The following PLA2G4A variants were observed in gnomAD, a reference collection of about 807,000 sequenced individuals.
PLA2G4A encodes the protein cytosolic phospholipase A2.
A neutral mutation model predicts 81.9 loss-of-function variants in PLA2G4A; 40 were observed. The ratio of observed to expected loss-of-function variants is 0.49; its 90% CI spans 0.38 to 0.64. The LOEUF (loss-of-function observed/expected upper bound fraction) is 0.64. Ranked by LOEUF, PLA2G4A falls within the 30% of genes least tolerant of loss-of-function variation. The pLI is 0.00. For synonymous variants in PLA2G4A, 302 were observed against 296.9 expected (o/e 1.02, Z -0.18); for missense variants, 715 against 905.1 (o/e 0.79, Z 2.69).
intron 16 of PLA2G4A, 71 bp from the exon 17 acceptor site, chr1:186,979,244 T>G: frequency 8.7e-7 from 1 of 1,155,194 alleles, no homozygotes; most frequent in Non-Finnish European, 1.3e-6. Flanking sequence ...TCTGTATGTT[T>G]TATTCCTTGG....
chr1:186,984,713 T>G (rs576616020), intron 17 of PLA2G4A, among the ~76,000 whole-genome samples: 1 of 152,338 alleles, frequency 6.6e-6, no homozygotes, highest in South Asian at 2.1e-4. Context: ...AACTCATCTA[T>G]TTTTAATGCT....
At chr1:186,830,986 C>G (rs1352755374) in intron 1 of PLA2G4A, among the ~76,000 whole-genome samples, 2 of 139,196 alleles carry the variant, frequency 1.4e-5, no homozygotes, top group Non-Finnish European at 3.3e-5. Flanking sequence ...TTCTTTCTTT[C>G]TTTCTTTCTT....
chr1:186,957,166 T>TA (rs1233595054), intron 14 of PLA2G4A, among the ~76,000 whole-genome samples: 2 of 151,614 alleles, frequency 1.3e-5, no homozygotes, highest in Non-Finnish European at 2.9e-5. Flanking sequence ...AAATAAAAAA[T>TA]AAAAAAAATA....
chr1:186,933,013 T>A, intron 8 of PLA2G4A, 114 bp downstream of exon 8: 1 of 800,534 alleles, frequency 1.2e-6, no homozygotes, highest in South Asian at 1.6e-5. Context: ...TTTAAATTAC[T>A]GAAACTTTCC....
chr1:186,914,441 CG>C (rs1211931424), intron 7 of PLA2G4A, among the ~76,000 whole-genome samples: 1 of 148,082 alleles, frequency 6.8e-6, no homozygotes, highest in Non-Finnish European at 1.5e-5. Context: ...TTTGTTTGGC[CG>C]GGAGCATCGG....
At chr1:186,966,885 T>G (rs1365531065) in intron 15 of PLA2G4A, among the ~76,000 whole-genome samples, 2 of 152,228 alleles carry the variant, frequency 1.3e-5, no homozygotes, top group Admixed American at 6.5e-5. Context: ...AGAACTCTGT[T>G]CTCTGTCTGT....
At chr1:186,969,038 T>C (rs1657243863) in intron 15 of PLA2G4A, among the ~76,000 whole-genome samples, 1 of 151,884 alleles carries the variant, frequency 6.6e-6, no homozygotes, top group African/African-American at 2.4e-5. Flanking sequence ...GGATTATTTG[T>C]GATGTTCCTA....
rs1253137697 is a variant in PLA2G4A at position 186,850,395 on chromosome 1, C to T, written c.-69-3891C>T. On this transcript the variant is annotated intron_variant, in intron 1 of 17. Transcript: ENST00000367466. ...AAGAATAGGTTTTAAGATTTCCTTC[C>T]AATTGGAGACATTAATCATAATAAA... is the stretch of plus-strand genomic sequence containing the variant. 5.3e-5 allele frequency among the ~76,000 whole-genome samples: 8 copies of T among 152,028 alleles called. No homozygotes were observed. The East Asian group carries it at 1.5e-3, about 29-fold the overall frequency.
At chr1:186,987,257 C>T (rs1294740778) in intron 17 of PLA2G4A, among the ~76,000 whole-genome samples, 1 of 152,254 alleles carries the variant, frequency 6.6e-6, no homozygotes, top group Admixed American at 6.5e-5. Flanking sequence ...ATGGGAGAAT[C>T]CCTCTGAGCA....
chr1:186,834,727 A>G (rs1651719082), intron 1 of PLA2G4A, among the ~76,000 whole-genome samples: 1 of 152,196 alleles, frequency 6.6e-6, no homozygotes, highest in African/African-American at 2.4e-5. Context: ...CAAAATAAAC[A>G]CATTTCATGA....
chr1:186,849,302 T>G (rs1174182638), intron 1 of PLA2G4A, among the ~76,000 whole-genome samples: 1 of 152,070 alleles, frequency 6.6e-6, no homozygotes, highest in African/African-American at 2.4e-5. Context: ...TTAATGCCTC[T>G]TTTGTTCTCC....
intron 3 of PLA2G4A, among the ~76,000 whole-genome samples, chr1:186,885,303 CAG>C (rs1653897716): frequency 6.6e-6 from 1 of 152,082 alleles, no homozygotes; most frequent in Non-Finnish European, 1.5e-5. Flanking sequence ...ACAAGGAGAT[CAG>C]AGAGACCAAA....
At chr1:186,915,298 A>G (rs1038980251) in intron 7 of PLA2G4A, among the ~76,000 whole-genome samples, 2 of 152,200 alleles carry the variant, frequency 1.3e-5, no homozygotes, top group Admixed American at 6.5e-5. Flanking sequence ...GACAGATAGC[A>G]TTTCTCATCT....
chr1:186,863,944 T>C (rs1402538665), intron 2 of PLA2G4A, among the ~76,000 whole-genome samples: 1 of 151,952 alleles, frequency 6.6e-6, no homozygotes, highest in African/African-American at 2.4e-5. Flanking sequence ...ATATTTTTAG[T>C]AGAGATGGGG....
chr1:186,888,282 G>C (rs1654009603), intron 3 of PLA2G4A, among the ~76,000 whole-genome samples: 1 of 152,100 alleles, frequency 6.6e-6, no homozygotes, highest in Non-Finnish European at 1.5e-5. Flanking sequence ...GTCAGAATTA[G>C]AATTTGTTAA....
chr1:186,979,978 C>T (rs112267662), intron 17 of PLA2G4A, among the ~76,000 whole-genome samples: 1,525 of 124,556 alleles, frequency 0.012, 33 homozygotes, highest in African/African-American at 0.042. Flanking sequence ...GATGGAGTCT[C>T]GCTCTGTCGC....
At chr1:186,922,201 A>G (rs1655376670) in intron 7 of PLA2G4A, among the ~76,000 whole-genome samples, 1 of 152,190 alleles carries the variant, frequency 6.6e-6, no homozygotes, top group African/African-American at 2.4e-5. Context: ...AAGGGCACAC[A>G]CACACTTTTA....
rs372148562 is a variant in PLA2G4A at position 186,871,333 on chromosome 1, C to A, written c.115+817C>A. Among the ~76,000 whole-genome samples, 474 of 152,208 alleles carry A rather than the reference C, an allele frequency of 3.1e-3. 4 individuals carry two copies. The highest frequency in any genetic ancestry group is 0.011 in the African/African-American group (462 of 41,540). On this transcript the variant is annotated intron_variant, in intron 3 of 17. Transcript: ENST00000367466. ...GTGGGAATACAAATAACAATGGATA[C>A]AACAAAGTATTATGATGATGAATTT...
intron 6 of PLA2G4A, among the ~76,000 whole-genome samples, chr1:186,909,564 G>A (rs533971970): frequency 1.3e-5 from 2 of 150,510 alleles, no homozygotes; most frequent in African/African-American, 4.9e-5. Flanking sequence ...GGAGGCCGAG[G>A]CAGGAGAATC....
Sources: gnomAD v4.1 joint callset for allele counts (sites outside exome capture counted in the v4.1 genomes callset) on GRCh38, gnomAD v4.1.1 for gene constraint, MANE v1.5 for transcripts, NCBI Gene and HGNC (gene_info 2026-07-23, HGNC 2026-07-21) for gene names.